The following CNTNAP2 variants were observed in gnomAD, a reference collection of about 807,000 sequenced individuals.
The protein encoded by CNTNAP2 is contactin associated protein 2, also known as contactin-associated protein-like 2.
A neutral mutation model predicts 155.2 loss-of-function variants in CNTNAP2; 98 were observed. That is an observed-to-expected ratio of 0.63 (90% CI 0.54 to 0.75). The LOEUF is 0.75. Among genes scored for constraint, CNTNAP2 ranks in the 30% least tolerant of loss-of-function variants. CNTNAP2 has a pLI of 0.00. For missense variants in CNTNAP2, 1,727 were observed against 1,688.1 expected, an observed-to-expected ratio of 1.02 and a Z score of -0.40; for synonymous variants, 651 against 631.2, an observed-to-expected ratio of 1.03 and a Z score of -0.47.
intron 3 of CNTNAP2, among the ~76,000 whole-genome samples, chr7:146,851,155 T>C (rs1340286322): frequency 1.3e-5 from 2 of 151,994 alleles, no homozygotes; most frequent in Non-Finnish European, 2.9e-5. Context: ...CGGCTAATTT[T>C]TGTATGTTTA....
At chr7:147,135,199 G>T (rs1801454331) in intron 8 of CNTNAP2, among the ~76,000 whole-genome samples, 1 of 151,644 alleles carries the variant, frequency 6.6e-6, no homozygotes, top group Non-Finnish European at 1.5e-5. Context: ...TCCAAGTTGT[G>T]ATTACTGTCT....
In CNTNAP2 at chr7:146,523,501, C is replaced by T. The variant is rs886170852; in HGVS notation, c.98-250770C>T. Among the ~76,000 whole-genome samples, 6 of 152,158 alleles carry T rather than the reference C, an allele frequency of 3.9e-5. No individual in the cohort carries two copies. In the East Asian group the frequency reaches 9.7e-4, roughly 25 times the overall value. On this transcript the variant is annotated intron_variant, in intron 1 of 23. Transcript: ENST00000361727. ...AACCGCCACCAACCCTCAATCATAT[C>T]ATGTCCAAAATAACCTTTCCAACCT...
chr7:147,058,840 C>T (rs1799611037), intron 4 of CNTNAP2, among the ~76,000 whole-genome samples: 1 of 152,252 alleles, frequency 6.6e-6, no homozygotes, highest in South Asian at 2.1e-4. Flanking sequence ...CTCCTGACCT[C>T]GTGATCCACC....
At chr7:148,333,817 G>A (rs566968684) in intron 21 of CNTNAP2, among the ~76,000 whole-genome samples, 5 of 151,412 alleles carry the variant, frequency 3.3e-5, no homozygotes, top group South Asian at 4.1e-4. Context: ...ATGTTTATCC[G>A]ACTTCCCAGG....
intron 4 of CNTNAP2, among the ~76,000 whole-genome samples, chr7:147,083,576 G>GTA (rs376711756): frequency 3.0e-4 from 40 of 133,890 alleles, no homozygotes; most frequent in African/African-American, 6.3e-4. Context: ...ACATATATAT[G>GTA]TATATATATA....
At chr7:147,287,413 A>G (rs1313149306) in intron 8 of CNTNAP2, among the ~76,000 whole-genome samples, 1 of 152,074 alleles carries the variant, frequency 6.6e-6, no homozygotes, top group Non-Finnish European at 1.5e-5. Context: ...GCTAAGCTGA[A>G]TTGTATAAGG....
chr7:146,347,488 C>A (rs2129097902), intron 1 of CNTNAP2, among the ~76,000 whole-genome samples: 1 of 152,266 alleles, frequency 6.6e-6, no homozygotes, highest in South Asian at 2.1e-4. Flanking sequence ...TCATACCCTC[C>A]AAAATTCTGA....
At chr7:146,708,278 C>A (rs569463042) in intron 1 of CNTNAP2, among the ~76,000 whole-genome samples, 1 of 151,858 alleles carries the variant, frequency 6.6e-6, no homozygotes, top group African/African-American at 2.4e-5. Flanking sequence ...AGGACCTTAC[C>A]GGAAGGAGGC....
chr7:146,328,306 T>C (rs1017971493), intron 1 of CNTNAP2, among the ~76,000 whole-genome samples: 12 of 152,156 alleles, frequency 7.9e-5, no homozygotes, highest in African/African-American at 2.9e-4. Context: ...AAAAATTGTC[T>C]TCTATGAAAC....
intron 18 of CNTNAP2, among the ~76,000 whole-genome samples, chr7:148,175,702 C>A (rs1794922156): frequency 6.6e-6 from 1 of 152,024 alleles, no homozygotes; most frequent in Non-Finnish European, 1.5e-5. Flanking sequence ...CCAAAATAGC[C>A]CAGGTCATAA....
chr7:146,943,424 A>T (rs1797095891), intron 3 of CNTNAP2, among the ~76,000 whole-genome samples: 1 of 152,166 alleles, frequency 6.6e-6, no homozygotes. Context: ...CCTGGGAGAC[A>T]GAGGTTGCAG....
At chr7:146,390,036 T>C (rs1274425759) in intron 1 of CNTNAP2, among the ~76,000 whole-genome samples, 2 of 152,034 alleles carry the variant, frequency 1.3e-5, no homozygotes, top group Non-Finnish European at 2.9e-5. Context: ...GCCTTTCATA[T>C]TGTATTCTGG....
chr7:147,275,855 T>C (rs1442464956), intron 8 of CNTNAP2, among the ~76,000 whole-genome samples: 1 of 152,060 alleles, frequency 6.6e-6, no homozygotes, highest in Admixed American at 6.6e-5. Context: ...CCGTAGTTTG[T>C]TGAGAGTTGT....
At chr7:147,781,518 A>G (rs10259355) in intron 13 of CNTNAP2, among the ~76,000 whole-genome samples, 3 of 152,174 alleles carry the variant, frequency 2.0e-5, no homozygotes, top group Non-Finnish European at 4.4e-5. Flanking sequence ...TAAAATTATT[A>G]ATCTATGCAA....
chr7:146,762,893 A>C (rs766457675), intron 1 of CNTNAP2, among the ~76,000 whole-genome samples: 11 of 152,148 alleles, frequency 7.2e-5, no homozygotes, highest in Non-Finnish European at 5.9e-5. Flanking sequence ...ACCTGCCCCC[A>C]TGATTCAATT....
At chr7:146,871,962 T>C (rs1236562604) in intron 3 of CNTNAP2, among the ~76,000 whole-genome samples, 1 of 152,150 alleles carries the variant, frequency 6.6e-6, no homozygotes, top group Non-Finnish European at 1.5e-5. Context: ...TGTTTTCTTC[T>C]ACATAATATT....
At chr7:146,186,880 A>T (rs1214888059) in intron 1 of CNTNAP2, among the ~76,000 whole-genome samples, 4 of 152,138 alleles carry the variant, frequency 2.6e-5, no homozygotes, top group Non-Finnish European at 4.4e-5. Context: ...CATTTTAAGA[A>T]TGCATAATGC....
intron 9 of CNTNAP2, among the ~76,000 whole-genome samples, chr7:147,302,345 A>G (rs1042031950): frequency 6.6e-6 from 1 of 152,218 alleles, no homozygotes; most frequent in African/African-American, 2.4e-5. Context: ...ACATAGCTGT[A>G]ACCACACATT....
chr7:147,526,692 A>G (rs1419214806), intron 11 of CNTNAP2, among the ~76,000 whole-genome samples: 1 of 152,142 alleles, frequency 6.6e-6, no homozygotes, highest in Non-Finnish European at 1.5e-5. Flanking sequence ...TGCTCACCAA[A>G]TCAATTAGAT....
Sources: gnomAD v4.1 joint callset for allele counts (sites outside exome capture counted in the v4.1 genomes callset) on GRCh38, gnomAD v4.1.1 for gene constraint, MANE v1.5 for transcripts, NCBI Gene and HGNC (gene_info 2026-07-23, HGNC 2026-07-21) for gene names.